Variants in FGGY observed in about 807,000 individuals in gnomAD.
The protein encoded by FGGY is FGGY carbohydrate kinase domain containing.
FGGY carries 72 observed loss-of-function variants against 71.3 expected under a neutral mutation model. The ratio of observed to expected loss-of-function variants is 1.01; its 90% CI spans 0.84 to 1.23. The LOEUF is 1.23. FGGY is among the 50% of genes most tolerant of loss of function. The pLI is 0.00. For synonymous variants in FGGY, 251 were observed against 250.3 expected (o/e 1.00, Z -0.02); for missense variants, 668 against 682.3 (o/e 0.98, Z 0.23).
At chr1:59,712,647 C>T (rs940236985) in intron 14 of FGGY, among the ~76,000 whole-genome samples, 1 of 152,200 alleles carries the variant, frequency 6.6e-6, no homozygotes, top group Non-Finnish European at 1.5e-5. Flanking sequence ...TACATGGAAG[C>T]TGCCAAGGCT....
chr1:59,457,102 T>C (rs1289035402), intron 6 of FGGY, 26 bp downstream of exon 6: 1 of 1,499,588 alleles, frequency 6.7e-7, no homozygotes, highest in East Asian at 2.3e-5. Flanking sequence ...ATCTGTAGAG[T>C]GATTATGTGC....
At chr1:59,734,651 C>T (rs1573845936) in intron 14 of FGGY, among the ~76,000 whole-genome samples, 2 of 152,368 alleles carry the variant, frequency 1.3e-5, no homozygotes, top group East Asian at 1.9e-4. Flanking sequence ...ACCATTCAAC[C>T]TAACATGAGG....
chr1:59,534,028 A>G (rs1298641790), intron 7 of FGGY, among the ~76,000 whole-genome samples: 1 of 152,164 alleles, frequency 6.6e-6, no homozygotes, highest in Non-Finnish European at 1.5e-5. Context: ...CGATCAAATT[A>G]CTCCGAGCTA....
intron 5 of FGGY, among the ~76,000 whole-genome samples, chr1:59,387,859 C>T (rs377583898): frequency 5.0e-4 from 76 of 152,276 alleles, no homozygotes; most frequent in African/African-American, 1.6e-3. Flanking sequence ...ACCACAACAT[C>T]ATTATCACAC....
chr1:59,701,905 C>T (rs2097712400), intron 14 of FGGY, among the ~76,000 whole-genome samples: 1 of 152,100 alleles, frequency 6.6e-6, no homozygotes, highest in Non-Finnish European at 1.5e-5. Flanking sequence ...TTTTCAGAGG[C>T]AGCTCATGAA....
intron 8 of FGGY, among the ~76,000 whole-genome samples, chr1:59,557,206 T>G (rs529586848): frequency 6.6e-6 from 1 of 152,190 alleles, no homozygotes; most frequent in East Asian, 1.9e-4. Flanking sequence ...ACCGCCACTG[T>G]GAGGAAAAAT....
intron 14 of FGGY, among the ~76,000 whole-genome samples, chr1:59,733,582 A>G (rs571852899): frequency 1.4e-4 from 21 of 152,302 alleles, no homozygotes; most frequent in African/African-American, 4.8e-4. Context: ...CTTAAAACCC[A>G]CATGACTGGC....
chr1:59,362,402 T>C (rs916461166), intron 4 of FGGY, among the ~76,000 whole-genome samples: 31 of 152,292 alleles, frequency 2.0e-4, no homozygotes, highest in African/African-American at 7.2e-4. Flanking sequence ...AAAACTGTGT[T>C]CACAAAACAC....
At chr1:59,350,905 C>T (rs17119303) in intron 4 of FGGY, among the ~76,000 whole-genome samples, 2,873 of 152,300 alleles carry the variant, frequency 0.019, 83 homozygotes, top group African/African-American at 0.063. Context: ...TATATCCCAT[C>T]TACAGGAATC....
chr1:59,350,094 C>T (rs936334201), intron 4 of FGGY, among the ~76,000 whole-genome samples: 2 of 152,160 alleles, frequency 1.3e-5, no homozygotes, highest in African/African-American at 4.8e-5. Context: ...TAGAGCTGCT[C>T]AAGTGCCCGT....
At chr1:59,601,982 G>A (rs994356312) in intron 8 of FGGY, among the ~76,000 whole-genome samples, 4 of 152,206 alleles carry the variant, frequency 2.6e-5, no homozygotes, top group African/African-American at 9.7e-5. Context: ...CCAGGAGTTA[G>A]CCCAAGACAA....
chr1:59,580,616 G>C (rs1411922599), intron 8 of FGGY, among the ~76,000 whole-genome samples: 1 of 152,168 alleles, frequency 6.6e-6, no homozygotes, highest in African/African-American at 2.4e-5. Flanking sequence ...TAAGGCTTTA[G>C]AGATGACAAA....
At chr1:59,623,731 A>G (rs951533200) in intron 9 of FGGY, among the ~76,000 whole-genome samples, 5 of 152,144 alleles carry the variant, frequency 3.3e-5, no homozygotes, top group African/African-American at 9.7e-5. Context: ...ATGATTGCCA[A>G]ATGATTGATC....
At chr1:59,611,415 C>G (rs992006830) in intron 9 of FGGY, among the ~76,000 whole-genome samples, 2 of 152,180 alleles carry the variant, frequency 1.3e-5, no homozygotes, top group African/African-American at 4.8e-5. Context: ...CCAGCAATCT[C>G]CAACAGACCT....
intron 8 of FGGY, among the ~76,000 whole-genome samples, chr1:59,593,579 C>T (rs1423452946): frequency 6.6e-6 from 1 of 152,176 alleles, no homozygotes; most frequent in Non-Finnish European, 1.5e-5. Context: ...CTTTTCATCA[C>T]ACATATGCCA....
At chr1:59,604,588 A>G (rs1209660262) in intron 8 of FGGY, among the ~76,000 whole-genome samples, 1 of 152,202 alleles carries the variant, frequency 6.6e-6, no homozygotes, top group Non-Finnish European at 1.5e-5. Flanking sequence ...ACATCCCCAA[A>G]TTGTGGGACA....
intron 14 of FGGY, among the ~76,000 whole-genome samples, chr1:59,743,978 T>G (rs1327683394): frequency 1.3e-5 from 2 of 152,232 alleles, no homozygotes; most frequent in African/African-American, 4.8e-5. Flanking sequence ...GATTAGGAAG[T>G]GCTGTCTTTA....
At chr1:59,511,767 A>G (rs619628) in intron 6 of FGGY, among the ~76,000 whole-genome samples, 63,288 of 152,112 alleles carry the variant, frequency 0.42, 14,360 homozygotes, top group African/African-American at 0.6. Flanking sequence ...TTAGACTGGA[A>G]TATTTTTTCC....
At chr1:59,536,384 G>A (rs934923968) in intron 7 of FGGY, among the ~76,000 whole-genome samples, 7 of 152,146 alleles carry the variant, frequency 4.6e-5, no homozygotes, top group East Asian at 1.9e-4. Flanking sequence ...ATTCACAGCC[G>A]AATTCTACCA....
Sources: allele counts gnomAD v4.1 joint callset (sites outside exome capture counted in the v4.1 genomes callset), GRCh38; gene constraint gnomAD v4.1.1; transcripts MANE v1.5; gene names NCBI Gene and HGNC (gene_info 2026-07-23, HGNC 2026-07-21).